Variants in TRHDE observed in about 807,000 individuals in gnomAD.
TRHDE encodes thyrotropin releasing hormone degrading enzyme.
Under a neutral mutation model 125.7 loss-of-function variants are expected in TRHDE, and 72 were observed. The ratio of observed to expected loss-of-function variants is 0.57; its 90% CI spans 0.47 to 0.70. The LOEUF is 0.70. Ranked by LOEUF, TRHDE falls within the 30% of genes least tolerant of loss-of-function variation. The pLI is 0.00. For missense variants in TRHDE, 1,110 were observed against 1,327.1 expected (o/e 0.84, Z 2.54); for synonymous variants, 509 against 509.1 (o/e 1.00, Z 0.00).
At chr12:72,280,396 A>G (rs1052789174) in intron 1 of TRHDE, among the ~76,000 whole-genome samples, 2 of 152,176 alleles carry the variant, frequency 1.3e-5, no homozygotes, top group African/African-American at 2.4e-5. Context: ...TGTAGGACCA[A>G]CGTTCTTGCT....
At chr12:72,581,578 T>C (rs570344935) in intron 12 of TRHDE, among the ~76,000 whole-genome samples, 5 of 152,324 alleles carry the variant, frequency 3.3e-5, no homozygotes, top group African/African-American at 9.6e-5. Flanking sequence ...ATATCTATTG[T>C]GTTTTTAATA....
chr12:72,564,077 G>A (rs957568467), intron 9 of TRHDE, among the ~76,000 whole-genome samples: 1 of 152,138 alleles, frequency 6.6e-6, no homozygotes, highest in Non-Finnish European at 1.5e-5. Context: ...AATGTTTCTG[G>A]TGACTACATT....
intron 12 of TRHDE, among the ~76,000 whole-genome samples, chr12:72,614,331 T>TATATATATATA (rs1448155527): frequency 0.038 from 1,838 of 48,554 alleles, 42 homozygotes; most frequent in African/African-American, 0.22. Flanking sequence ...TATATATATA[T>TATATATATATA]TTTTTTTTTC....
chr12:72,346,223 A>G (rs893623127), intron 2 of TRHDE, among the ~76,000 whole-genome samples: 1 of 152,050 alleles, frequency 6.6e-6, no homozygotes, highest in Non-Finnish European at 1.5e-5. Flanking sequence ...ATTGGAGCAC[A>G]GGATTCTGAG....
At chr12:72,455,076 G>A (rs1242219548) in intron 3 of TRHDE, among the ~76,000 whole-genome samples, 1 of 152,112 alleles carries the variant, frequency 6.6e-6, no homozygotes, top group Non-Finnish European at 1.5e-5. Context: ...AGAATAAGAA[G>A]GTCAGGAAGG....
intron 7 of TRHDE, among the ~76,000 whole-genome samples, chr12:72,553,884 T>C (rs1869797735): frequency 6.6e-6 from 1 of 150,684 alleles, no homozygotes; most frequent in African/African-American, 2.4e-5. Flanking sequence ...GTTTCGCTCT[T>C]GTCACCCAGG....
In TRHDE at chr12:72,640,591, G is replaced by A. The variant is rs560527460; in HGVS notation, c.2676-11731G>A. On this transcript the variant is annotated intron_variant, in intron 15 of 18. Coordinates refer to ENST00000261180, the MANE Select transcript of TRHDE (RefSeq NM_013381.3). Reference sequence around the variant, plus strand: ...TCTTAGCATCAGAAAATTTTTGCCTGAAACAGTGACTTCTTTTTTAGAAAT... The same window carrying A: ...TCTTAGCATCAGAAAATTTTTGCCTAAAACAGTGACTTCTTTTTTAGAAAT... Among the ~76,000 whole-genome samples, 3 of 151,756 alleles carry A rather than the reference G, an allele frequency of 2.0e-5. No individual in the cohort carries two copies. In the East Asian group the frequency reaches 5.8e-4, roughly 30 times the overall value.
Position 72,542,324 on chromosome 12 carries a change from A to G in TRHDE, c.1756A>G (p.Met586Val), listed in dbSNP as rs767347462. The G allele has an allele frequency of 2.5e-6, 4 of 1,605,044 alleles. No individual in the cohort carries two copies. Among genetic ancestry groups the G allele is most frequent in the Non-Finnish European group, 3.4e-6 (4 of 1,174,390 alleles). Residue 586 changes from methionine (M) to valine (V), a missense_variant, in exon 7 of 19, where the codon ATG (methionine) becomes GTG (valine). Transcript: ENST00000261180. ...AALIRMLANFMGHSVFQRGLQ... is the reference protein window; with the variant it reads ...AALIRMLANFVGHSVFQRGLQ... The stretch of plus-strand genomic sequence containing the variant: ...TTTAATAAGAATGCTGGCTAATTTT[A>G]TGGGCCATTCAGTTTTCCAGAGGGG...
At chr12:72,436,858 A>G (rs907544521) in intron 3 of TRHDE, among the ~76,000 whole-genome samples, 4 of 151,922 alleles carry the variant, frequency 2.6e-5, no homozygotes, top group African/African-American at 9.7e-5. Flanking sequence ...CAATCTTATG[A>G]GCTTCATAGA....
At chr12:72,300,922 C>T (rs1474987204) in intron 2 of TRHDE, among the ~76,000 whole-genome samples, 1 of 151,998 alleles carries the variant, frequency 6.6e-6, no homozygotes, top group East Asian at 1.9e-4. Context: ...GGTGCATTAG[C>T]CCTGTGCGGT....
chr12:72,467,456 T>C lies in TRHDE; in HGVS notation c.1316-2302T>C, dbSNP rs147913899. ...TCGTGTTATAGCTGTTATGCACTTATGCTGAGTCTAAAATGTAGCGGAAGA... is the reference window on the plus strand; with the variant it reads ...TCGTGTTATAGCTGTTATGCACTTACGCTGAGTCTAAAATGTAGCGGAAGA... On this transcript the variant is annotated intron_variant, in intron 3 of 18. Coordinates refer to ENST00000261180, the MANE Select transcript of TRHDE (RefSeq NM_013381.3). Among the ~76,000 whole-genome samples the C allele has an allele frequency of 2.3e-3, 343 of 152,338 alleles. 1 individual carries two copies. The highest frequency in any genetic ancestry group is 7.8e-3 in the African/African-American group (323 of 41,566).
At chr12:72,387,531 G>C (rs1309680024) in intron 3 of TRHDE, among the ~76,000 whole-genome samples, 2 of 152,084 alleles carry the variant, frequency 1.3e-5, no homozygotes, top group Admixed American at 1.3e-4. Flanking sequence ...CAGAGTTTTT[G>C]TGAGGGATGT....
intron 2 of TRHDE, among the ~76,000 whole-genome samples, chr12:72,131,500 CA>C (rs1875865936): frequency 6.6e-6 from 1 of 151,830 alleles, no homozygotes; most frequent in Non-Finnish European, 1.5e-5. Context: ...CCCCTTTTCC[CA>C]TATATCTTTT....
At chr12:72,534,704 G>A (rs1161898563) in intron 6 of TRHDE, among the ~76,000 whole-genome samples, 2 of 151,924 alleles carry the variant, frequency 1.3e-5, no homozygotes, top group African/African-American at 4.8e-5. Context: ...AAATTTTGAT[G>A]GAAATATTAT....
intron 17 of TRHDE, among the ~76,000 whole-genome samples, chr12:72,654,624 C>T (rs980716971): frequency 6.6e-6 from 1 of 151,970 alleles, no homozygotes. Flanking sequence ...TTTCTTTTAT[C>T]CTCCTTTTCT....
chr12:72,154,462 G>A (rs1456362775), intron 2 of TRHDE, among the ~76,000 whole-genome samples: 1 of 152,120 alleles, frequency 6.6e-6, no homozygotes, highest in Non-Finnish European at 1.5e-5. Flanking sequence ...TATTTTGCTC[G>A]TTAGTTGATG....
At chr12:72,190,282 A>G (rs1877312281) in intron 2 of TRHDE, among the ~76,000 whole-genome samples, 1 of 152,232 alleles carries the variant, frequency 6.6e-6, no homozygotes, top group Non-Finnish European at 1.5e-5. Flanking sequence ...AGCGTTTTCT[A>G]TAACCAGCTG....
chr12:72,124,989 G>A (rs941995554), intron 2 of TRHDE, among the ~76,000 whole-genome samples: 1 of 152,110 alleles, frequency 6.6e-6, no homozygotes, highest in East Asian at 1.9e-4. Context: ...TTTAAATGTT[G>A]AGTCATTATT....
At chr12:72,594,180 G>A (rs1871821032) in intron 12 of TRHDE, among the ~76,000 whole-genome samples, 1 of 152,080 alleles carries the variant, frequency 6.6e-6, no homozygotes, top group South Asian at 2.1e-4. Context: ...AGCACCTGTT[G>A]TTTCCTGACT....
Sources: gnomAD v4.1 joint callset for allele counts (sites outside exome capture counted in the v4.1 genomes callset) on GRCh38, gnomAD v4.1.1 for gene constraint, MANE v1.5 for transcripts, NCBI Gene and HGNC (gene_info 2026-07-23, HGNC 2026-07-21) for gene names.